Variants in CCDC3 observed in about 807,000 individuals in gnomAD.
CCDC3 encodes coiled-coil domain-containing protein 3.
In CCDC3, 24 loss-of-function variants were observed where a neutral mutation model predicts 21.4. The observed-to-expected ratio is 1.12, with a 90% CI of 0.81 to 1.58. The LOEUF is 1.58. Ranked by LOEUF, CCDC3 falls within the 40% of genes most tolerant of loss-of-function variation. The probability of loss-of-function intolerance (pLI) is 0.00; values close to 1 mark genes in which losing one functional copy is unlikely to be tolerated. For missense variants in CCDC3, 425 were observed against 360.9 expected (o/e 1.18, Z -1.44); for synonymous variants, 186 against 166.0 (o/e 1.12, Z -0.93).
intron 2 of CCDC3, among the ~76,000 whole-genome samples, chr10:12,934,065 T>C (rs900381695): frequency 8.5e-5 from 13 of 152,226 alleles, no homozygotes; most frequent in Non-Finnish European, 1.8e-4. Context: ...TTTCCTAATA[T>C]ATGCATTTCA....
At chr10:13,093,951 A>G (rs968003063) in intron 3 of CCDC3, among the ~76,000 whole-genome samples, 3 of 152,216 alleles carry the variant, frequency 2.0e-5, no homozygotes, top group Admixed American at 6.5e-5. Flanking sequence ...ACTGTGGTGC[A>G]TTACAGTGAT....
chr10:13,062,143 T>C (rs970199674), intron 4 of CCDC3, among the ~76,000 whole-genome samples: 7 of 152,196 alleles, frequency 4.6e-5, no homozygotes, highest in Non-Finnish European at 1.0e-4. Flanking sequence ...CGAGAATTTA[T>C]GGCTTGTAGG....
intron 2 of CCDC3, among the ~76,000 whole-genome samples, chr10:12,918,550 G>C (rs2131213401): frequency 6.6e-6 from 1 of 152,294 alleles, no homozygotes; most frequent in African/African-American, 2.4e-5. Context: ...TATAAAAGTT[G>C]CATTTCCCCT....
chr10:12,932,734 T>C (rs1007165471), intron 2 of CCDC3, among the ~76,000 whole-genome samples: 1 of 152,204 alleles, frequency 6.6e-6, no homozygotes, highest in African/African-American at 2.4e-5. Context: ...ATCCTTGCCT[T>C]GTTCCTGATC....
At chr10:12,977,917 C>A (rs1327947865) in intron 2 of CCDC3, among the ~76,000 whole-genome samples, 1 of 152,170 alleles carries the variant, frequency 6.6e-6, no homozygotes, top group Non-Finnish European at 1.5e-5. Flanking sequence ...AGGACCAGAA[C>A]TCAGGCCCGG....
At chr10:13,040,693 A>G (rs1347571273) in intron 5 of CCDC3, among the ~76,000 whole-genome samples, 1 of 143,202 alleles carries the variant, frequency 7.0e-6, no homozygotes, top group Non-Finnish European at 1.5e-5. Context: ...TCTGTCACAC[A>G]CACACACACA....
At chr10:13,003,650 A>G (rs2131289987), upstream of CCDC3, among the ~76,000 whole-genome samples, 1 of 152,356 alleles carries the variant, frequency 6.6e-6, no homozygotes, top group Non-Finnish European at 1.5e-5. Context: ...CTCATCAGAT[A>G]AGATAGTAAG....
intron 2 of CCDC3, among the ~76,000 whole-genome samples, chr10:12,975,197 G>A (rs896275890): frequency 3.3e-5 from 5 of 152,064 alleles, no homozygotes; most frequent in South Asian, 2.1e-4. Context: ...ACCCTGACCC[G>A]GCTCCTTGCT....
Position 13,023,562 on chromosome 10 carries a change from G to A in CCDC3, c.-1-25050C>T, listed in dbSNP as rs148578393. On this transcript the variant is annotated intron_variant, in intron 5 of 6. Transcript: ENST00000378839. ...CTCCAGTCACACCACTCTTGCTAACGTCCCGTTGTCTAAAGCTAGTCACGT... is the reference window on the plus strand; with the variant it reads ...CTCCAGTCACACCACTCTTGCTAACATCCCGTTGTCTAAAGCTAGTCACGT... 3.8e-3 allele frequency among the ~76,000 whole-genome samples: 578 copies of A among 152,204 alleles called. 6 individuals carry two copies. Among genetic ancestry groups the A allele is most frequent in the African/African-American group, 0.013 (544 of 41,508 alleles).
chr10:12,993,666 A>G (rs1366086669), intron 2 of CCDC3, among the ~76,000 whole-genome samples: 1 of 152,192 alleles, frequency 6.6e-6, no homozygotes, highest in African/African-American at 2.4e-5. Flanking sequence ...CTGCCAGTAA[A>G]TCTGGTGGAT....
chr10:13,062,938 T>C (rs1057380204), intron 4 of CCDC3, among the ~76,000 whole-genome samples: 2 of 123,608 alleles, frequency 1.6e-5, no homozygotes, highest in Non-Finnish European at 3.4e-5. Context: ...AGTAACTGAC[T>C]CAGTGCAAGA....
rs561229596 is a variant in CCDC3 at position 12,905,210 on chromosome 10, G to A, written c.550-6531C>T. On this transcript the variant is annotated intron_variant, in intron 2 of 2. Coordinates refer to ENST00000378825, the MANE Select transcript of CCDC3 (RefSeq NM_031455.4). ...AAACCCAGAGCAGTGATCAGGAAACGATGGCCTATGGGCCACATCTGGCCC... is the reference window on the plus strand; with the variant it reads ...AAACCCAGAGCAGTGATCAGGAAACAATGGCCTATGGGCCACATCTGGCCC... 6.6e-5 allele frequency among the ~76,000 whole-genome samples: 10 copies of A among 152,316 alleles called. No homozygotes were observed. The South Asian group carries it at 2.1e-3, about 32-fold the overall frequency.
intron 3 of CCDC3, among the ~76,000 whole-genome samples, chr10:13,084,013 TA>T (rs1476330968): frequency 1.3e-5 from 2 of 152,250 alleles, no homozygotes; most frequent in Non-Finnish European, 2.9e-5. Context: ...AAACATTTTA[TA>T]TATAACATCC....
In CCDC3 at chr10:12,898,431, G is replaced by A. The variant is rs771985452; in HGVS notation, c.798C>T (p.Pro266=). Residue 266 remains proline, a synonymous_variant, in exon 3 of 3, where the codon CCC becomes CCT. Coordinates refer to ENST00000378825, the MANE Select transcript of CCDC3 (RefSeq NM_031455.4). ...CCCAGGCCCGTTACCCCCGCAGGTA[G>A]GGGGGGCGCACGGGCCCCCGGGCAT... is the stretch of plus-strand genomic sequence containing the variant. ...HINARGPVRP[P]YLRG is the part of the protein sequence containing the mutation. 2 of 1,595,414 alleles carry A rather than the reference G, an allele frequency of 1.3e-6. No individual in the cohort carries two copies. The highest frequency in any genetic ancestry group is 1.1e-5 in the South Asian group (1 of 90,174).
At chr10:12,956,662 C>A (rs1034659843) in intron 2 of CCDC3, among the ~76,000 whole-genome samples, 2 of 152,234 alleles carry the variant, frequency 1.3e-5, no homozygotes, top group Non-Finnish European at 2.9e-5. Context: ...AAGACTCTCT[C>A]CTGGACTAAA....
At chr10:13,010,477 T>C (rs754055212) in intron 5 of CCDC3, among the ~76,000 whole-genome samples, 13 of 152,170 alleles carry the variant, frequency 8.5e-5, no homozygotes, top group Non-Finnish European at 1.6e-4. Flanking sequence ...ATACCAAGTG[T>C]TGTCAAGAAC....
At chr10:13,085,507 G>A (rs142259466) in intron 3 of CCDC3, among the ~76,000 whole-genome samples, 158 of 152,324 alleles carry the variant, frequency 1.0e-3, no homozygotes, top group African/African-American at 3.6e-3. Flanking sequence ...TGAAATCCGT[G>A]ACCCCATCCC....
intron 2 of CCDC3, among the ~76,000 whole-genome samples, chr10:12,906,807 G>C (rs766791527): frequency 1.1e-4 from 17 of 152,134 alleles, no homozygotes; most frequent in Non-Finnish European, 2.4e-4. Context: ...TAGGGTGAAG[G>C]ACACACAAAG....
At chr10:13,095,675 G>T (rs1042182565) in intron 3 of CCDC3, among the ~76,000 whole-genome samples, 3 of 152,174 alleles carry the variant, frequency 2.0e-5, no homozygotes, top group Admixed American at 6.5e-5. Context: ...GGCCAGTACT[G>T]GTTCACCACC....
Sources: gnomAD v4.1 joint callset for allele counts (sites outside exome capture counted in the v4.1 genomes callset) on GRCh38, gnomAD v4.1.1 for gene constraint, MANE v1.5 for transcripts, NCBI Gene and HGNC (gene_info 2026-07-23, HGNC 2026-07-21) for gene names.